AMPD1: variants seen among roughly 807,000 people sequenced by gnomAD.
The protein encoded by AMPD1 is AMP deaminase 1.
A neutral mutation model predicts 82.9 loss-of-function variants in AMPD1; 74 were observed. That is an observed-to-expected ratio of 0.89 (90% CI 0.74 to 1.08). The LOEUF is 1.08. AMPD1 is among the 50% of genes least tolerant of loss of function. The pLI, the probability that AMPD1 is intolerant of heterozygous loss-of-function variation, is 0.00. For synonymous variants in AMPD1, 333 were observed against 320.5 expected, an observed-to-expected ratio of 1.04 and a Z score of -0.42; for missense variants, 881 against 924.5, an observed-to-expected ratio of 0.95 and a Z score of 0.61.
chr1:114,677,795 CTCCCTCCTTCCT>C (rs1444064032), intron 9 of AMPD1, 103 bp downstream of exon 9: 47 of 431,374 alleles, frequency 1.1e-4, no homozygotes, highest in Admixed American at 1.4e-4. Context: ...CTTTCCCTCT[CTCCCTCCTTCCT>C]TCCTTCCTTC....
intron 2 of AMPD1, among the ~76,000 whole-genome samples, chr1:114,690,448 T>C (rs1002149837): frequency 1.3e-5 from 2 of 152,316 alleles, no homozygotes; most frequent in Non-Finnish European, 2.9e-5. Flanking sequence ...ACATTGGAGA[T>C]GACAGGAATT....
At chr1:114,690,566 A>T (rs1191606226) in intron 2 of AMPD1, among the ~76,000 whole-genome samples, 1 of 152,234 alleles carries the variant, frequency 6.6e-6, no homozygotes, top group East Asian at 1.9e-4. Flanking sequence ...AACTTCATGC[A>T]TCTATTTGCC....
In AMPD1 at chr1:114,686,918, C is replaced by G; in HGVS notation, c.216-8G>C. 1.2e-6 allele frequency: 2 copies of G among 1,613,922 alleles called. No individual in the cohort carries two copies. The highest frequency in any genetic ancestry group is 1.7e-6 in the Non-Finnish European group (2 of 1,179,946). On this transcript the variant is annotated splice_region_variant and splice_polypyrimidine_tract_variant and intron_variant, in intron 3 of 15. Transcript: ENST00000520113. Reference sequence around the variant, plus strand: ...CCTTGGAAACGCTTTTTTCTGGGTTCGAAATTTAAAAGTAAGAGTTAATTT... The same window carrying G: ...CCTTGGAAACGCTTTTTTCTGGGTTGGAAATTTAAAAGTAAGAGTTAATTT...
At chr1:114,679,296 A>G (rs1315978312) in intron 7 of AMPD1, among the ~76,000 whole-genome samples, 1 of 152,232 alleles carries the variant, frequency 6.6e-6, no homozygotes, top group East Asian at 1.9e-4. Context: ...TTCAAATTCT[A>G]GAATGGTCAT....
At chr1:114,683,500 T>C (rs1056463567) in intron 5 of AMPD1, among the ~76,000 whole-genome samples, 15 of 152,056 alleles carry the variant, frequency 9.9e-5, no homozygotes, top group African/African-American at 3.6e-4. Context: ...CTTTGGGAAG[T>C]TGAGGCAGGC....
At chr1:114,693,474 A>G in intron 1 of AMPD1, 27 bp from the exon 2 acceptor site, 1 of 1,598,376 alleles carries the variant, frequency 6.3e-7, no homozygotes, top group Non-Finnish European at 8.6e-7. Flanking sequence ...AAAACAAGAT[A>G]AAATATGTGA....
chr1:114,689,715 G>T (rs367891251), intron 2 of AMPD1, among the ~76,000 whole-genome samples: 2 of 152,318 alleles, frequency 1.3e-5, no homozygotes, highest in Middle Eastern at 3.4e-3. Context: ...TACTCAGGAG[G>T]CTGAGGCAAG....
At chr1:114,695,412 A>G (rs763015914) in intron 1 of AMPD1, 38 bp downstream of exon 1, 4 of 1,600,302 alleles carry the variant, frequency 2.5e-6, no homozygotes, top group South Asian at 1.1e-5. Flanking sequence ...AAAAAAAAAC[A>G]ACAACAACTG....
intron 7 of AMPD1, among the ~76,000 whole-genome samples, chr1:114,679,011 A>G (rs1231355311): frequency 6.6e-6 from 1 of 152,246 alleles, no homozygotes; most frequent in East Asian, 1.9e-4. Flanking sequence ...CAGCTGAGCC[A>G]GGATTTGGGC....
At chr1:114,682,581 CTTT>C (rs538227539) in intron 5 of AMPD1, among the ~76,000 whole-genome samples, 3 of 141,276 alleles carry the variant, frequency 2.1e-5, no homozygotes, top group Admixed American at 1.4e-4. Context: ...CTTCAAAAAT[CTTT>C]TTTTTTTTTT....
chr1:114,673,896 G>C lies in AMPD1; in HGVS notation c.1974+13C>G, dbSNP rs1657904276. On this transcript the variant is annotated intron_variant, in intron 14 of 15. Coordinates refer to ENST00000520113, the MANE Select transcript of AMPD1 (RefSeq NM_000036.3). Reference sequence around the variant, plus strand: ...AGCAAAATATGCTTGTATTGCCCAAGTCCATACTATACCTTGGTAAAGTGG... The same window carrying C: ...AGCAAAATATGCTTGTATTGCCCAACTCCATACTATACCTTGGTAAAGTGG... The C allele has an allele frequency of 6.2e-7, 1 of 1,613,316 alleles. No homozygotes were observed. Among genetic ancestry groups the C allele is most frequent in the East Asian group, 2.2e-5 (1 of 44,856 alleles).
Position 114,678,475 on chromosome 1 carries a change from C to A in AMPD1, c.950G>T (p.Arg317Leu). Residue 317 changes from arginine (R) to leucine (L), a missense_variant, in exon 8 of 16, where the codon CGT becomes CTT. Transcript: ENST00000520113. ...AATTTGGTAAGATTTCTTAATAAAA[C>A]GCAGCAGATGTTTCTGGTTCATGCA... ...AACMNQKHLLRFIKKSYQIDA... is the reference protein window; with the variant it reads ...AACMNQKHLLLFIKKSYQIDA... The A allele has an allele frequency of 6.2e-7, 1 of 1,614,170 alleles. No individual in the cohort carries two copies.
chr1:114,693,686 G>A (rs1026372678), intron 1 of AMPD1, among the ~76,000 whole-genome samples: 3 of 152,074 alleles, frequency 2.0e-5, no homozygotes, highest in Admixed American at 6.5e-5. Flanking sequence ...TTTTTAAAAG[G>A]CACTCTCTAT....
rs1412566280 is a variant in AMPD1, at chr1:114,674,759, A to T, written c.1793T>A (p.Leu598Ter). ...AGAGAGCTTCCAACTCACCTTTTTT[A>T]AATTTAGGCCATGAGAGATATCATC... ...IADDISHGLN[L>*]KKSPVLQYLF... The change falls in exon 13 of 16, where the codon TTA becomes TAA. Residue 598 changes from leucine (L) to a stop codon, truncating the protein, a stop_gained. Coordinates refer to ENST00000520113, the MANE Select transcript of AMPD1 (RefSeq NM_000036.3). LOFTEE classifies it high-confidence loss of function. The T allele has an allele frequency of 6.2e-7, 1 of 1,613,680 alleles. No individual in the cohort carries two copies. Among genetic ancestry groups the T allele is most frequent in the Non-Finnish European group, 8.5e-7 (1 of 1,179,696 alleles).
chr1:114,678,022 C>G lies in AMPD1; in HGVS notation c.1112G>C (p.Arg371Pro). 6.2e-7 allele frequency: 1 copy of G among 1,613,928 alleles called. No homozygotes were observed. The highest frequency in any genetic ancestry group is 1.1e-5 in the South Asian group (1 of 91,072). Residue 371 changes from arginine to proline, a missense_variant, in exon 9 of 16, where the codon CGT (arginine) becomes CCT (proline). By Grantham distance (103) the Arg-to-Pro change is moderately radical. Coordinates refer to ENST00000520113, the MANE Select transcript of AMPD1 (RefSeq NM_000036.3). The stretch of plus-strand genomic sequence containing the variant: ...ATATTTGTCATTGAACTTATCAAAA[C>G]GCTGGAAGGTCTGGCGTCCCTGAAT... ...DVHAGRQTFQRFDKFNDKYNP... is the reference protein window; with the variant it reads ...DVHAGRQTFQPFDKFNDKYNP...
Position 114,686,898 on chromosome 1 carries a change from G to GA in AMPD1, c.227dup (p.Gln77ProfsTer7), listed in dbSNP as rs1164858289. The GA allele has an allele frequency of 2.5e-6, 4 of 1,614,222 alleles. No homozygotes were observed. The highest frequency in any genetic ancestry group is 2.5e-6 in the Non-Finnish European group (3 of 1,180,038). On this transcript the variant is annotated frameshift_variant, in exon 4 of 16. Transcript: ENST00000520113. LOFTEE classifies it high-confidence loss of function. ...ACAAATTAACAGTCTTCCGTCCTTG[G>GA]AAACGCTTTTTTCTGGGTTCGAAAT...
rs112318898 is a variant in AMPD1 at position 114,675,274 on chromosome 1, T to A, written c.1679+256A>T. On this transcript the variant is annotated intron_variant, in intron 12 of 15. Coordinates refer to ENST00000520113, the MANE Select transcript of AMPD1 (RefSeq NM_000036.3). ...AAAATATATGAAGTTTTATCATTAA[T>A]TGCACAATGATTAGTATAAATTCCT... Among the ~76,000 whole-genome samples, 344 of 152,246 alleles carry A rather than the reference T, an allele frequency of 2.3e-3. 2 individuals carry two copies. The highest frequency in any genetic ancestry group is 7.8e-3 in the African/African-American group (324 of 41,542).
chr1:114,690,065 A>T (rs937202526), intron 2 of AMPD1, among the ~76,000 whole-genome samples: 1 of 152,224 alleles, frequency 6.6e-6, no homozygotes, highest in Non-Finnish European at 1.5e-5. Flanking sequence ...AGCAAACTGT[A>T]TGTAGAGAGA....
Position 114,678,494 on chromosome 1 carries a change from T to C in AMPD1, c.931A>G (p.Asn311Asp). 6.2e-7 allele frequency: 1 copy of C among 1,614,194 alleles called. No homozygotes were observed. Among genetic ancestry groups the C allele is most frequent in the Non-Finnish European group, 8.5e-7 (1 of 1,180,020 alleles). ...DTHIHAAACM[N>D]QKHLLRFIKK... The stretch of plus-strand genomic sequence containing the variant: ...ATAAAACGCAGCAGATGTTTCTGGT[T>C]CATGCAAGCGGCTGCATGGATATGG... Residue 311 changes from asparagine to aspartate, a missense_variant, in exon 8 of 16, where the codon AAC (asparagine) becomes GAC (aspartate). Asn to Asp is a conservative substitution (Grantham distance 23). This residue lies in a region of AMPD1 where 783 missense variants were observed against 786.4 expected (regional missense o/e 1.00). Coordinates refer to ENST00000520113, the MANE Select transcript of AMPD1 (RefSeq NM_000036.3).
Sources: allele counts gnomAD v4.1 joint callset (sites outside exome capture counted in the v4.1 genomes callset), GRCh38; gene constraint gnomAD v4.1.1; regional missense constraint gnomAD v4.1.1; transcripts MANE v1.5; gene names NCBI Gene and HGNC (gene_info 2026-07-23, HGNC 2026-07-21).